Variants in TMEM131 observed in about 807,000 individuals in gnomAD.
TMEM131 encodes the protein 2610524E03Rik.
A neutral mutation model predicts 211.6 loss-of-function variants in TMEM131; 66 were observed. The observed-to-expected ratio is 0.31, with a 90% confidence interval of 0.26 to 0.38. The LOEUF (loss-of-function observed/expected upper bound fraction) is 0.38, where lower values mean the gene tolerates loss of function less well. Among genes scored for constraint, TMEM131 ranks in the 10% least tolerant of loss-of-function variants. The pLI is 1.00. For synonymous variants in TMEM131, 844 were observed against 841.3 expected (o/e 1.00, Z -0.06); for missense variants, 2,036 against 2,299.3 (o/e 0.89, Z 2.34).
chr2:97,900,747 G>T (rs1365981296), intron 3 of TMEM131, among the ~76,000 whole-genome samples: 1 of 152,056 alleles, frequency 6.6e-6, no homozygotes, highest in African/African-American at 2.4e-5. Context: ...GAATTTGCTG[G>T]ATCACATAGC....
At chr2:97,791,326 C>G (rs1680489364) in intron 31 of TMEM131, among the ~76,000 whole-genome samples, 1 of 152,194 alleles carries the variant, frequency 6.6e-6, no homozygotes, top group South Asian at 2.1e-4. Context: ...TTCGAATGAG[C>G]AGAATACTAC....
At chr2:97,913,329 T>C (rs1361282948) in intron 2 of TMEM131, among the ~76,000 whole-genome samples, 3 of 152,374 alleles carry the variant, frequency 2.0e-5, no homozygotes, top group Non-Finnish European at 4.4e-5. Context: ...TCATTTGTAA[T>C]AACATCTCCT....
intron 2 of TMEM131, among the ~76,000 whole-genome samples, chr2:97,915,152 T>C (rs1327045846): frequency 6.6e-6 from 1 of 152,142 alleles, no homozygotes; most frequent in East Asian, 1.9e-4. Context: ...TTCAGGGAAA[T>C]GTGTGCTCAT....
intron 2 of TMEM131, among the ~76,000 whole-genome samples, chr2:97,925,456 G>C (rs1676942973): frequency 6.6e-6 from 1 of 152,124 alleles, no homozygotes. Flanking sequence ...ACGTATTCTG[G>C]ATGCTAAATC....
intron 31 of TMEM131, among the ~76,000 whole-genome samples, chr2:97,777,481 A>G (rs1004461514): frequency 6.6e-6 from 1 of 152,238 alleles, no homozygotes; most frequent in African/African-American, 2.4e-5. Flanking sequence ...ACATTTTTGA[A>G]GTGGTCGAAA....
rs1177791974 is a variant in TMEM131 at position 97,792,700 on chromosome 2, C to T, written c.3830G>A (p.Gly1277Asp). The change falls in exon 31 of 41, where the codon GGC becomes GAC. Residue 1277 changes from glycine (G) to aspartate (D), a missense_variant. This residue lies in a region of TMEM131 where 1,623 missense variants were observed against 1,805.9 expected (regional missense o/e 0.90). Coordinates refer to ENST00000186436, the MANE Select transcript of TMEM131 (RefSeq NM_015348.2). ...SNTVTQGHTA[G>D]RKSKGAKQSQ... ...CTGCTTTGCCCCTTTGGACTTTCTG[C>T]CCGCTGTATGACCTTGAGTCACTGT... 1.2e-6 allele frequency: 2 copies of T among 1,613,892 alleles called. No individual in the cohort carries two copies. Among genetic ancestry groups the T allele is most frequent in the Non-Finnish European group, 1.7e-6 (2 of 1,179,902 alleles).
rs1675239540 is a variant in TMEM131, at chr2:97,888,211, A to G, written c.291-91T>C. Reference sequence around the variant, plus strand: ...TCAGACAGCTGACTTTTGTCATAACAATGCCATTTTAAGAAAAATTGGGTC... The same window carrying G: ...TCAGACAGCTGACTTTTGTCATAACGATGCCATTTTAAGAAAAATTGGGTC... On this transcript the variant is annotated intron_variant, in intron 3 of 40. Transcript: ENST00000186436. The G allele has an allele frequency of 4.6e-6, 5 of 1,089,134 alleles. No homozygotes were observed. In the Admixed American group the frequency reaches 7.9e-5, roughly 17 times the overall value. 67.5% of individuals were successfully genotyped at this position (1,089,134 alleles called of 1,614,324 possible).
At chr2:97,905,636 A>G (rs1037062918) in intron 3 of TMEM131, among the ~76,000 whole-genome samples, 1 of 152,172 alleles carries the variant, frequency 6.6e-6, no homozygotes, top group African/African-American at 2.4e-5. Flanking sequence ...TTCTTTTGCA[A>G]TGTCTAGGTT....
chr2:97,991,725 T>A (rs1369538654), intron 1 of TMEM131, among the ~76,000 whole-genome samples: 1 of 152,160 alleles, frequency 6.6e-6, no homozygotes, highest in Admixed American at 6.5e-5. Context: ...AAGGGCCTCT[T>A]GGTCTGGCAA....
chr2:97,784,454 G>GA (rs1680157460), intron 31 of TMEM131, among the ~76,000 whole-genome samples: 1 of 151,994 alleles, frequency 6.6e-6, no homozygotes, highest in African/African-American at 2.4e-5. Context: ...AGAAAGATAG[G>GA]AAAAGTCTCC....
chr2:97,812,887 C>T, intron 15 of TMEM131, 138 bp from the exon 16 acceptor site: 2 of 471,112 alleles, frequency 4.2e-6, no homozygotes, highest in Admixed American at 8.0e-5. Flanking sequence ...ACCTATAATC[C>T]CAGCTACTCG....
chr2:97,864,336 TA>T (rs781443565), intron 4 of TMEM131, among the ~76,000 whole-genome samples: 19 of 149,676 alleles, frequency 1.3e-4, no homozygotes, highest in African/African-American at 2.0e-4. Context: ...TGACTACAGT[TA>T]AAAAAAAAAT....
Position 97,805,206 on chromosome 2 carries a change from C to A in TMEM131, c.2285-1G>T, listed in dbSNP as rs1681238707. 6.2e-7 allele frequency: 1 copy of A among 1,610,214 alleles called. No homozygotes were observed. Among genetic ancestry groups the A allele is most frequent in the South Asian group, 1.1e-5 (1 of 90,512 alleles). On this transcript the variant is annotated splice_acceptor_variant, in intron 21 of 40. Coordinates refer to ENST00000186436, the MANE Select transcript of TMEM131 (RefSeq NM_015348.2). LOFTEE classifies it high-confidence loss of function. ...ACACCAGGCTGCACTTTGGGTTCAG[C>A]TAAAACAAGGAAACATACTTAACCT...
At chr2:97,815,049 T>C (rs1264631777) in intron 13 of TMEM131, 150 bp downstream of exon 13, 4 of 427,298 alleles carry the variant, frequency 9.4e-6, no homozygotes, top group Non-Finnish European at 1.6e-5. Flanking sequence ...TATAGGAGGT[T>C]TTCTCTTTTA....
intron 11 of TMEM131, among the ~76,000 whole-genome samples, chr2:97,832,004 C>CAAAAAA (rs770432398): frequency 0.09 from 5,415 of 60,118 alleles, 963 homozygotes; most frequent in African/African-American, 0.2. Flanking sequence ...AAGTCACTTC[C>CAAAAAA]AAAAAAAAAA....
intron 33 of TMEM131, among the ~76,000 whole-genome samples, chr2:97,768,806 G>T (rs1447004030): frequency 6.6e-6 from 1 of 152,154 alleles, no homozygotes; most frequent in Non-Finnish European, 1.5e-5. Flanking sequence ...GGTGAGGCTG[G>T]TCTCGAAGTC....
intron 13 of TMEM131, among the ~76,000 whole-genome samples, chr2:97,814,863 TTAA>T (rs1431122043): frequency 6.6e-6 from 1 of 152,140 alleles, no homozygotes; most frequent in Non-Finnish European, 1.5e-5. Flanking sequence ...TCAAAATACT[TTAA>T]TAATAGGCCA....
At chr2:97,807,680 T>C (rs1176250403) in intron 19 of TMEM131, among the ~76,000 whole-genome samples, 1 of 152,226 alleles carries the variant, frequency 6.6e-6, no homozygotes, top group African/African-American at 2.4e-5. Context: ...ATACACATGC[T>C]TTCTCATTTA....
chr2:97,889,161 C>A (rs1308198645), intron 3 of TMEM131, among the ~76,000 whole-genome samples: 1 of 152,048 alleles, frequency 6.6e-6, no homozygotes, highest in Non-Finnish European at 1.5e-5. Flanking sequence ...GTAATAAAAT[C>A]CAAACATGTT....
Sources: allele counts gnomAD v4.1 joint callset (sites outside exome capture counted in the v4.1 genomes callset), GRCh38; gene constraint gnomAD v4.1.1; regional missense constraint gnomAD v4.1.1; transcripts MANE v1.5; gene names NCBI Gene and HGNC (gene_info 2026-07-23, HGNC 2026-07-21).